Variants in PMFBP1 observed in about 807,000 individuals in gnomAD.
PMFBP1 encodes polyamine modulated factor 1 binding protein 1.
PMFBP1 carries 131 observed loss-of-function variants against 137.8 expected under a neutral mutation model. That is an observed-to-expected ratio of 0.95 (90% CI 0.82 to 1.10). The LOEUF is 1.10. PMFBP1 is among the 50% of genes least tolerant of loss of function. The pLI, the probability that PMFBP1 is intolerant of heterozygous loss-of-function variation, is 0.00. For synonymous variants in PMFBP1, 490 were observed against 450.4 expected (o/e 1.09, Z -1.11); for missense variants, 1,199 against 1,175.4 (o/e 1.02, Z -0.29).
chr16:72,146,451 T>C (rs573242147), intron 5 of PMFBP1, among the ~76,000 whole-genome samples: 16 of 152,270 alleles, frequency 1.1e-4, no homozygotes, highest in African/African-American at 3.6e-4. Flanking sequence ...AGCATTCCCT[T>C]TGAAACCCAG....
At chr16:72,173,763 C>T (rs956684384), upstream of PMFBP1, among the ~76,000 whole-genome samples, 1 of 152,128 alleles carries the variant, frequency 6.6e-6, no homozygotes, top group African/African-American at 2.4e-5. Flanking sequence ...GCCATGTGAA[C>T]CTTCACAGTG....
chr16:72,198,752 C>T, the PMFBP1 span, among the ~76,000 whole-genome samples: 27 of 152,170 alleles, frequency 1.8e-4, no homozygotes, highest in Non-Finnish European at 3.7e-4. Flanking sequence ...ACCCGTGGAT[C>T]GGTGAATGAT....
chr16:72,135,520 A>G (rs1008276480), intron 9 of PMFBP1, among the ~76,000 whole-genome samples: 1 of 151,760 alleles, frequency 6.6e-6, no homozygotes, highest in Non-Finnish European at 1.5e-5. Flanking sequence ...CCCGGCCGTC[A>G]GCTGGATTAT....
At chr16:72,121,918 A>G (rs1239767608) in intron 19 of PMFBP1, among the ~76,000 whole-genome samples, 2 of 151,922 alleles carry the variant, frequency 1.3e-5, no homozygotes, top group African/African-American at 4.8e-5. Context: ...TTTCACTTTT[A>G]GTTTAGATTC....
the PMFBP1 span, among the ~76,000 whole-genome samples, chr16:72,208,195 C>G: frequency 1.3e-5 from 2 of 152,196 alleles, no homozygotes; most frequent in Non-Finnish European, 2.9e-5. Context: ...TCTGGGCACC[C>G]TGTAGCCCAA....
At chr16:72,173,795 C>A (rs762419398), upstream of PMFBP1, 1 of 152,244 alleles carries the variant, frequency 6.6e-6, no homozygotes, top group Non-Finnish European at 1.5e-5. Context: ...AGGAGTATGG[C>A]TGGACAGATA....
the PMFBP1 span, among the ~76,000 whole-genome samples, chr16:72,194,212 C>T: frequency 6.6e-6 from 1 of 152,148 alleles, no homozygotes; most frequent in Non-Finnish European, 1.5e-5. Context: ...TAAAAGTCTT[C>T]ATTACTTCCT....
At chr16:72,151,674 C>T (rs1250284419) in intron 4 of PMFBP1, among the ~76,000 whole-genome samples, 1 of 152,156 alleles carries the variant, frequency 6.6e-6, no homozygotes, top group Non-Finnish European at 1.5e-5. Context: ...ATTTGAGATT[C>T]TTCTTAGGAA....
In PMFBP1 at chr16:72,136,502, C is replaced by T. The variant is rs2144321795; in HGVS notation, c.1149G>A (p.Gln383=). The part of the protein sequence containing the change: ...KDITILQCRL[Q]ELQLEFTETQ... ...TCTCGGTGAACTCCAGCTGCAGCTCCTGCAGCCGGCACTGCAGGATGGTGA... is the reference window on the plus strand; with the variant it reads ...TCTCGGTGAACTCCAGCTGCAGCTCTTGCAGCCGGCACTGCAGGATGGTGA... The change falls in exon 9 of 21, where the codon CAG becomes CAA. Residue 383 remains glutamine, a synonymous_variant. Coordinates refer to ENST00000237353, the MANE Select transcript of PMFBP1 (RefSeq NM_031293.3). 6.2e-7 allele frequency: 1 copy of T among 1,614,010 alleles called. No homozygotes were observed. Among genetic ancestry groups the T allele is most frequent in the East Asian group, 2.2e-5 (1 of 44,870 alleles).
chr16:72,117,092 C>T (rs536511115), downstream of PMFBP1, among the ~76,000 whole-genome samples: 267 of 148,450 alleles, frequency 1.8e-3, no homozygotes, highest in African/African-American at 6.5e-3. Context: ...ATCTGTAGAT[C>T]ACTTTGTGTA....
upstream of PMFBP1, among the ~76,000 whole-genome samples, chr16:72,180,279 C>T (rs937565328): frequency 6.6e-6 from 1 of 152,178 alleles, no homozygotes; most frequent in Admixed American, 6.5e-5. Flanking sequence ...TTAGTCTCCA[C>T]AATCCTGCTT....
At chr16:72,242,682 C>T in the PMFBP1 span, among the ~76,000 whole-genome samples, 2 of 152,130 alleles carry the variant, frequency 1.3e-5, no homozygotes, top group Non-Finnish European at 2.9e-5. Context: ...AAAAGCAATG[C>T]TTTTGATTTC....
chr16:72,194,311 C>G, the PMFBP1 span, among the ~76,000 whole-genome samples: 1 of 152,146 alleles, frequency 6.6e-6, no homozygotes, highest in South Asian at 2.1e-4. Flanking sequence ...TCTTATCTTT[C>G]CTCCATGAGC....
chr16:72,124,975 C>G, intron 16 of PMFBP1, 41 bp from the exon 17 acceptor site: 1 of 1,601,620 alleles, frequency 6.2e-7, no homozygotes, highest in Non-Finnish European at 8.5e-7. Context: ...CTCCAGCTGG[C>G]CTCCCTGACC....
intron 5 of PMFBP1, among the ~76,000 whole-genome samples, chr16:72,143,674 C>A (rs759134911): frequency 4.7e-4 from 72 of 151,914 alleles, no homozygotes; most frequent in Middle Eastern, 6.8e-3. Flanking sequence ...ACCCAAGAGG[C>A]GGAGGTTGCA....
At chr16:72,219,417 G>C in the PMFBP1 span, among the ~76,000 whole-genome samples, 1 of 152,136 alleles carries the variant, frequency 6.6e-6, no homozygotes. Context: ...GGAGGGAAGA[G>C]GCACCCAGGA....
chr16:72,118,787 G>C (rs937122213), downstream of PMFBP1, among the ~76,000 whole-genome samples: 3 of 151,998 alleles, frequency 2.0e-5, no homozygotes, highest in African/African-American at 7.3e-5. Context: ...GCGTGCTCTT[G>C]CTCCCCCACT....
At chr16:72,153,861 G>C (rs140265377) in intron 4 of PMFBP1, among the ~76,000 whole-genome samples, 70 of 148,540 alleles carry the variant, frequency 4.7e-4, no homozygotes, top group African/African-American at 1.7e-3. Flanking sequence ...ATAACCCTCA[G>C]AGACCTACAG....
At chr16:72,169,832 A>C (rs758401231) in intron 2 of PMFBP1, among the ~76,000 whole-genome samples, 1 of 152,154 alleles carries the variant, frequency 6.6e-6, no homozygotes, top group Non-Finnish European at 1.5e-5. Context: ...AGGTTGTTGC[A>C]AGGATTAAAT....
Sources: gnomAD v4.1 joint callset for allele counts (sites outside exome capture counted in the v4.1 genomes callset) on GRCh38, gnomAD v4.1.1 for gene constraint, MANE v1.5 for transcripts, NCBI Gene and HGNC (gene_info 2026-07-23, HGNC 2026-07-21) for gene names.